HELLS: variants seen among roughly 807,000 people sequenced by gnomAD.
HELLS encodes helicase, lymphoid specific, also known as lymphoid-specific helicase.
Under a neutral mutation model 120.0 loss-of-function variants are expected in HELLS, and 32 were observed. The ratio of observed to expected loss-of-function variants is 0.27; its 90% CI spans 0.20 to 0.36. The LOEUF (loss-of-function observed/expected upper bound fraction) is 0.36, where lower values mean the gene tolerates loss of function less well. Ranked by LOEUF, HELLS falls within the 10% of genes least tolerant of loss-of-function variation. The pLI is 1.00. For synonymous variants in HELLS, 341 were observed against 323.4 expected (o/e 1.05, Z -0.58); for missense variants, 650 against 993.4 (o/e 0.65, Z 4.65).
At chr10:94,558,050 G>A in intron 3 of HELLS, 89 bp from the exon 4 acceptor site, 1 of 1,456,838 alleles carries the variant, frequency 6.9e-7, no homozygotes, top group Non-Finnish European at 9.1e-7. Context: ...GTTTCTCATT[G>A]TAAACATAAG....
At chr10:94,575,434 AAT>A (rs1393118119) in intron 9 of HELLS, among the ~76,000 whole-genome samples, 4 of 151,220 alleles carry the variant, frequency 2.6e-5, no homozygotes, top group African/African-American at 9.7e-5. Context: ...CCTTATGAGA[AAT>A]ATATATATTC....
At chr10:94,570,930 T>C in intron 6 of HELLS, 1 of 160,504 alleles carries the variant, frequency 6.2e-6, no homozygotes, top group Non-Finnish European at 1.3e-5. Context: ...TGTACTCTGC[T>C]GTTGTTGCTT....
chr10:94,566,170 C>T (rs1843787557), intron 6 of HELLS, among the ~76,000 whole-genome samples: 1 of 152,156 alleles, frequency 6.6e-6, no homozygotes, highest in Non-Finnish European at 1.5e-5. Flanking sequence ...GTCTGAGCCA[C>T]TGTGTCCGGT....
rs76339999 is a variant in HELLS, at chr10:94,585,200, T to C, written c.1326+2141T>C. Among the ~76,000 whole-genome samples, 239 of 151,942 alleles carry C rather than the reference T, an allele frequency of 1.6e-3. 1 individual carries two copies. The highest frequency in any genetic ancestry group is 2.7e-3 in the Non-Finnish European group (186 of 67,920). The stretch of plus-strand genomic sequence containing the variant: ...CCAAAAGCAGTATAACCTTTACAAA[T>C]TAATTATTTAAAATTTTTTATTTTA... On this transcript the variant is annotated intron_variant, in intron 12 of 21. Coordinates refer to ENST00000348459, the MANE Select transcript of HELLS (RefSeq NM_018063.5).
chr10:94,579,411 C>G (rs533635253), intron 10 of HELLS, among the ~76,000 whole-genome samples: 2 of 152,020 alleles, frequency 1.3e-5, no homozygotes, highest in South Asian at 4.2e-4. Flanking sequence ...CTGTGTTAGC[C>G]AGGATGGTCT....
chr10:94,599,181 GACAT>G (rs1372491357), intron 21 of HELLS, among the ~76,000 whole-genome samples: 2 of 152,038 alleles, frequency 1.3e-5, no homozygotes, highest in South Asian at 2.1e-4. Context: ...AGAAATATGA[GACAT>G]ACAGCATCAT....
At chr10:94,591,073 G>A (rs1458707307) in intron 15 of HELLS, among the ~76,000 whole-genome samples, 1 of 152,010 alleles carries the variant, frequency 6.6e-6, no homozygotes, top group Non-Finnish European at 1.5e-5. Flanking sequence ...GGTTTCTCAG[G>A]CAATCCTGCC....
intron 19 of HELLS, among the ~76,000 whole-genome samples, chr10:94,595,114 G>A (rs1845678243): frequency 6.6e-6 from 1 of 152,002 alleles, no homozygotes; most frequent in Non-Finnish European, 1.5e-5. Flanking sequence ...TGTAATCCCA[G>A]CTACTCAGGA....
intron 3 of HELLS, among the ~76,000 whole-genome samples, chr10:94,555,315 T>G (rs1488482566): frequency 6.6e-6 from 1 of 152,062 alleles, no homozygotes; most frequent in Non-Finnish European, 1.5e-5. Flanking sequence ...TGTGTGCCTG[T>G]AAGCCCAGCT....
At position 94,545,874 on chromosome 10, in the gene HELLS, T is replaced by A. The variant is rs779578421; in HGVS notation, c.-48T>A. Reference sequence around the variant, plus strand: ...GTTGTGAGGAGTTAGCTCGCGGCATTGCAGGCTCTGAGAGGAGGGGACCCG... The same window carrying A: ...GTTGTGAGGAGTTAGCTCGCGGCATAGCAGGCTCTGAGAGGAGGGGACCCG... On this transcript the variant is annotated 5_prime_UTR_variant, in exon 1 of 22. Coordinates refer to ENST00000348459, the MANE Select transcript of HELLS (RefSeq NM_018063.5). 11 of 1,549,670 alleles carry A rather than the reference T, an allele frequency of 7.1e-6. No homozygotes were observed. Among genetic ancestry groups the A allele is most frequent in the Non-Finnish European group, 9.6e-6 (11 of 1,145,016 alleles).
intron 19 of HELLS, among the ~76,000 whole-genome samples, 180 bp downstream of exon 19, chr10:94,595,034 G>A (rs1038180464): frequency 6.6e-6 from 1 of 151,988 alleles, no homozygotes; most frequent in Non-Finnish European, 1.5e-5. Context: ...TCGAGACCAG[G>A]CTGGCCAAGA....
chr10:94,574,883 T>C (rs1844355961), intron 9 of HELLS, 147 bp downstream of exon 9: 1 of 594,442 alleles, frequency 1.7e-6, no homozygotes, highest in African/African-American at 1.8e-5. Flanking sequence ...ATCTGCACAA[T>C]ACCCTAATTT....
At position 94,545,968 on chromosome 10, in the gene HELLS, C is replaced by T. The variant is rs943658944; in HGVS notation, c.31+16C>T. 3.9e-6 allele frequency: 6 copies of T among 1,555,576 alleles called. No individual in the cohort carries two copies. Among genetic ancestry groups the T allele is most frequent in the Admixed American group, 1.9e-5 (1 of 51,376 alleles). On this transcript the variant is annotated intron_variant, in intron 1 of 21. Coordinates refer to ENST00000348459, the MANE Select transcript of HELLS (RefSeq NM_018063.5). ...GGCAGCGGCGGTGAGTGAGGAAAACCTTTTGGGCGCGGGTGGCAGCCTGCG... is the reference window on the plus strand; with the variant it reads ...GGCAGCGGCGGTGAGTGAGGAAAACTTTTTGGGCGCGGGTGGCAGCCTGCG...
At position 94,593,481 on chromosome 10, in the gene HELLS, C is replaced by T. The variant is rs184110385; in HGVS notation, c.1972-18C>T. 3 of 1,436,416 alleles carry T rather than the reference C, an allele frequency of 2.1e-6. No homozygotes were observed. The highest frequency in any genetic ancestry group is 2.3e-5 in the South Asian group (2 of 87,408). The allele number at this position is 1,436,416 out of a possible 1,614,324, so 89.0% of individuals were successfully genotyped here. ...AATTTATTTTAATCTGTTGTATTTA[C>T]ATCCTTTTTGCTTTTAGATGCACAG... On this transcript the variant is annotated intron_variant, in intron 17 of 21. Transcript: ENST00000348459.
At chr10:94,584,770 A>G (rs950114912) in intron 12 of HELLS, among the ~76,000 whole-genome samples, 2 of 152,174 alleles carry the variant, frequency 1.3e-5, no homozygotes, top group African/African-American at 4.8e-5. Flanking sequence ...TTTACTATAG[A>G]TAACTTCAGA....
At chr10:94,605,178 G>A (rs1054228669), downstream of HELLS, among the ~76,000 whole-genome samples, 1 of 147,422 alleles carries the variant, frequency 6.8e-6, no homozygotes, top group African/African-American at 2.5e-5. Context: ...TGTCTCCCAG[G>A]TTTAAACTAT....
intron 3 of HELLS, among the ~76,000 whole-genome samples, chr10:94,555,254 T>A (rs1843194203): frequency 6.6e-6 from 1 of 151,904 alleles, no homozygotes; most frequent in Admixed American, 6.6e-5. Context: ...CTGAGTAACA[T>A]AGTGAAAACC....
At chr10:94,548,136 T>G (rs1842826046) in intron 2 of HELLS, among the ~76,000 whole-genome samples, 1 of 152,214 alleles carries the variant, frequency 6.6e-6, no homozygotes, top group African/African-American at 2.4e-5. Flanking sequence ...GGTGCATCAC[T>G]TGCTGTTTTG....
chr10:94,566,189 G>A (rs969351114), intron 6 of HELLS, among the ~76,000 whole-genome samples: 5 of 152,072 alleles, frequency 3.3e-5, no homozygotes, highest in African/African-American at 1.2e-4. Flanking sequence ...GTTGGGAATT[G>A]GATGTTTATA....
Sources: gnomAD v4.1 joint callset for allele counts (sites outside exome capture counted in the v4.1 genomes callset) on GRCh38, gnomAD v4.1.1 for gene constraint, MANE v1.5 for transcripts, NCBI Gene and HGNC (gene_info 2026-07-23, HGNC 2026-07-21) for gene names.